Variants in CCDC62 observed in about 807,000 individuals in gnomAD.
CCDC62 encodes coiled-coil domain containing 62.
CCDC62 carries 72 observed loss-of-function variants against 80.8 expected under a neutral mutation model. That is an observed-to-expected ratio of 0.89 (90% CI 0.74 to 1.08). The LOEUF is 1.08. Ranked by LOEUF, CCDC62 falls within the 50% of genes least tolerant of loss-of-function variation. CCDC62 has a pLI of 0.00. For synonymous variants in CCDC62, 286 were observed against 296.5 expected (o/e 0.96, Z 0.36); for missense variants, 704 against 809.4 (o/e 0.87, Z 1.58).
chr12:122,806,500 G>A (rs1385609509), intron 10 of CCDC62, among the ~76,000 whole-genome samples: 1 of 143,128 alleles, frequency 7.0e-6, no homozygotes, highest in Non-Finnish European at 1.5e-5. Flanking sequence ...CTGTTTCTTT[G>A]AGACAGGATA....
intron 11 of CCDC62, among the ~76,000 whole-genome samples, chr12:122,821,584 G>T (rs1405369361): frequency 3.3e-5 from 5 of 151,928 alleles, no homozygotes; most frequent in Admixed American, 1.3e-4. Context: ...TGAATATCTG[G>T]GAGTACAGGT....
Position 122,801,706 on chromosome 12 carries a change from C to T in CCDC62, c.1560C>T (p.Asn520=). 6.2e-7 allele frequency: 1 copy of T among 1,614,216 alleles called. No homozygotes were observed. The highest frequency in any genetic ancestry group is 8.5e-7 in the Non-Finnish European group (1 of 1,180,048). ...MCDSKCCHPS[N]FIIEAPGHMS... is the part of the protein sequence containing the mutation. ...ACTCCAAGTGCTGCCACCCGAGTAACTTCATAATTGAAGCCCCAGGCCACA... is the reference window on the plus strand; with the variant it reads ...ACTCCAAGTGCTGCCACCCGAGTAATTTCATAATTGAAGCCCCAGGCCACA... Residue 520 remains asparagine, a synonymous_variant, in exon 9 of 13, where the codon AAC becomes AAT. Transcript: ENST00000253079.
chr12:122,806,085 A>G (rs570337608), intron 9 of CCDC62, 66 bp from the exon 10 acceptor site: 845 of 1,435,660 alleles, frequency 5.9e-4, no homozygotes, highest in Middle Eastern at 1.3e-3. Context: ...ACTTTTGAGT[A>G]TAAGAGTGAT....
chr12:122,801,868 A>C lies in CCDC62; in HGVS notation c.1706+16A>C. Reference sequence around the variant, plus strand: ...CCCCGGCAAGGTGAGTAACGTTCACATCTGTAAACACCCACGGAGCATGCA... The same window carrying C: ...CCCCGGCAAGGTGAGTAACGTTCACCTCTGTAAACACCCACGGAGCATGCA... On this transcript the variant is annotated intron_variant, in intron 9 of 12. Transcript: ENST00000253079. 6.2e-7 allele frequency: 1 copy of C among 1,608,728 alleles called. No individual in the cohort carries two copies.
chr12:122,792,410 G>A lies in CCDC62; in HGVS notation c.772+289G>A, dbSNP rs373077361. ...TAAATTTTGTATATTTAGTAGAGAC[G>A]GGGTTTCACCACATTGGTCAGGCTG... On this transcript the variant is annotated intron_variant, in intron 6 of 12. Transcript: ENST00000253079. Among the ~76,000 whole-genome samples the A allele has an allele frequency of 1.8e-4, 28 of 152,014 alleles. 1 individual carries two copies. In the South Asian group the frequency reaches 4.6e-3, roughly 25 times the overall value.
intron 4 of CCDC62, among the ~76,000 whole-genome samples, chr12:122,787,628 G>C (rs1350646261): frequency 1.3e-5 from 2 of 151,924 alleles, no homozygotes; most frequent in Non-Finnish European, 2.9e-5. Flanking sequence ...GCACACGCCT[G>C]TAGTCCCAGC....
rs529993708 is a variant in CCDC62, at chr12:122,783,516, G to A, written c.396+2186G>A. On this transcript the variant is annotated intron_variant, in intron 3 of 12. Coordinates refer to ENST00000253079, the MANE Select transcript of CCDC62 (RefSeq NM_201435.5). ...GCTGGGATTACAGGTGTGAGCCACC[G>A]CGCCTGGCCCCATTCTTTTATTTCT... Among the ~76,000 whole-genome samples, 131 of 152,110 alleles carry A rather than the reference G, an allele frequency of 8.6e-4. 1 individual carries two copies. Among genetic ancestry groups the A allele is most frequent in the African/African-American group, 2.8e-3 (117 of 41,528 alleles).
At chr12:122,806,080 T>G in intron 9 of CCDC62, 71 bp from the exon 10 acceptor site, 1 of 1,355,534 alleles carries the variant, frequency 7.4e-7, no homozygotes, top group East Asian at 2.4e-5. Flanking sequence ...AAGATACTTT[T>G]GAGTATAAGA....
intron 1 of CCDC62, among the ~76,000 whole-genome samples, chr12:122,775,296 C>T (rs1319480006): frequency 6.6e-6 from 1 of 152,064 alleles, no homozygotes; most frequent in African/African-American, 2.4e-5. Flanking sequence ...ATTTACACAA[C>T]CTGGCGAGTA....
At chr12:122,813,549 G>C in intron 11 of CCDC62, 130 bp downstream of exon 11, 1 of 794,316 alleles carries the variant, frequency 1.3e-6, no homozygotes, top group Non-Finnish European at 1.9e-6. Context: ...AGGGAGGAAA[G>C]GGAACATGCT....
At chr12:122,808,738 G>C (rs1365666793) in intron 10 of CCDC62, among the ~76,000 whole-genome samples, 1 of 151,916 alleles carries the variant, frequency 6.6e-6, no homozygotes, top group East Asian at 1.9e-4. Flanking sequence ...TGTTGCCCAG[G>C]GTGGTCTCAA....
At chr12:122,807,687 C>T (rs2031682110) in intron 10 of CCDC62, among the ~76,000 whole-genome samples, 1 of 152,130 alleles carries the variant, frequency 6.6e-6, no homozygotes, top group Non-Finnish European at 1.5e-5. Context: ...ATTTACCACA[C>T]ATTAGTCTGT....
chr12:122,799,230 G>C (rs1444477357), intron 8 of CCDC62, among the ~76,000 whole-genome samples: 1 of 152,174 alleles, frequency 6.6e-6, no homozygotes. Flanking sequence ...TATTTAACCT[G>C]ATTTTCCCTT....
At chr12:122,817,473 A>C (rs1566089458) in intron 11 of CCDC62, among the ~76,000 whole-genome samples, 2 of 151,858 alleles carry the variant, frequency 1.3e-5, no homozygotes, top group Non-Finnish European at 2.9e-5. Context: ...TACAGGTGTG[A>C]GCCACCATGC....
intron 11 of CCDC62, among the ~76,000 whole-genome samples, chr12:122,820,413 G>C (rs1327493586): frequency 6.6e-6 from 1 of 152,194 alleles, no homozygotes; most frequent in Non-Finnish European, 1.5e-5. Flanking sequence ...TGTGCCTGCT[G>C]TGTGGGCCTG....
intron 12 of CCDC62, 134 bp downstream of exon 12, chr12:122,823,593 A>C: frequency 1.9e-6 from 1 of 530,368 alleles, no homozygotes; most frequent in Non-Finnish European, 3.4e-6. Flanking sequence ...CGACCAATTT[A>C]TGCATACTTC....
chr12:122,813,331 T>C lies in CCDC62; in HGVS notation c.1913T>C (p.Leu638Pro). Reference sequence around the variant, plus strand: ...CCCACGAGCAAGCTCCAGCGTTTGCTGGCGGAATCTCGTCAGATGGTGACG... The same window carrying C: ...CCCACGAGCAAGCTCCAGCGTTTGCCGGCGGAATCTCGTCAGATGGTGACG... ...FSPTSKLQRLLAESRQMVTDL... is the reference protein window; with the variant it reads ...FSPTSKLQRLPAESRQMVTDL... The change falls in exon 11 of 13, where the codon CTG becomes CCG. Residue 638 changes from leucine to proline, a missense_variant. Leu to Pro is a moderately conservative substitution (Grantham distance 98). Coordinates refer to ENST00000253079, the MANE Select transcript of CCDC62 (RefSeq NM_201435.5). 1 of 1,614,048 alleles carries C rather than the reference T, an allele frequency of 6.2e-7. No homozygotes were observed. The highest frequency in any genetic ancestry group is 2.2e-5 in the East Asian group (1 of 44,884).
rs1178183103 is a variant in CCDC62, at chr12:122,813,431, A to C, written c.2001+12A>C. 6.2e-7 allele frequency: 1 copy of C among 1,607,402 alleles called. No individual in the cohort carries two copies. On this transcript the variant is annotated intron_variant, in intron 11 of 12. Coordinates refer to ENST00000253079, the MANE Select transcript of CCDC62 (RefSeq NM_201435.5). ...GCAGTGCCACAAATGTATGCGTTTCATTTTCTCTTGACTATATTTGTCACA... is the reference window on the plus strand; with the variant it reads ...GCAGTGCCACAAATGTATGCGTTTCCTTTTCTCTTGACTATATTTGTCACA...
At chr12:122,794,732 C>A (rs2030831097) in intron 6 of CCDC62, among the ~76,000 whole-genome samples, 1 of 152,226 alleles carries the variant, frequency 6.6e-6, no homozygotes, top group Non-Finnish European at 1.5e-5. Context: ...TCATAGCTCA[C>A]TGCAGCCTCG....
Sources: allele counts gnomAD v4.1 joint callset (sites outside exome capture counted in the v4.1 genomes callset), GRCh38; gene constraint gnomAD v4.1.1; transcripts MANE v1.5; gene names NCBI Gene and HGNC (gene_info 2026-07-23, HGNC 2026-07-21).